SPACA3: variants seen among roughly 807,000 people sequenced by gnomAD.
The protein encoded by SPACA3 is sperm acrosome associated 3.
SPACA3 carries 21 observed loss-of-function variants against 24.5 expected under a neutral mutation model. The ratio of observed to expected loss-of-function variants is 0.86; its 90% CI spans 0.61 to 1.24. The LOEUF (loss-of-function observed/expected upper bound fraction) is 1.24, where lower values mean the gene tolerates loss of function less well. Ranked by LOEUF, SPACA3 falls within the 50% of genes most tolerant of loss-of-function variation. SPACA3 has a pLI of 0.00. For missense variants in SPACA3, 278 were observed against 275.5 expected, an observed-to-expected ratio of 1.01 and a Z score of -0.06; for synonymous variants, 115 against 106.9, an observed-to-expected ratio of 1.08 and a Z score of -0.47.
At chr17:32,994,181 G>C (rs1335119059) in intron 1 of SPACA3, among the ~76,000 whole-genome samples, 2 of 152,172 alleles carry the variant, frequency 1.3e-5, no homozygotes, top group Non-Finnish European at 2.9e-5. Context: ...AGAGAAGTCT[G>C]AGCAGAGACA....
At position 32,997,720 on chromosome 17, in the gene SPACA3, G is replaced by A; in HGVS notation, c.590G>A (p.Trp197Ter). ...CTGTTCTCCATCCTCAGGGAGGCCT[G>A]GAGGCATCACTGCCAGGGAAAAGAC... ...EPQGLGYWEA[W>*]RHHCQGKDLT... The change falls in exon 5 of 5, where the codon TGG becomes TAG. Residue 197 changes from tryptophan to a stop codon, truncating the protein, a stop_gained. Coordinates refer to ENST00000269053, the MANE Select transcript of SPACA3 (RefSeq NM_173847.5). LOFTEE classifies it high-confidence loss of function. The A allele has an allele frequency of 6.2e-7, 1 of 1,614,124 alleles. No individual in the cohort carries two copies. Among genetic ancestry groups the A allele is most frequent in the Middle Eastern group, 1.6e-4 (1 of 6,062 alleles).
chr17:32,996,111 G>A (rs1179242298), intron 2 of SPACA3, among the ~76,000 whole-genome samples: 3 of 152,210 alleles, frequency 2.0e-5, no homozygotes, highest in Admixed American at 2.0e-4. Flanking sequence ...GGGAAGGGCA[G>A]TCATACCGGG....
intron 1 of SPACA3, among the ~76,000 whole-genome samples, chr17:32,993,558 G>A (rs2091704222): frequency 6.6e-6 from 1 of 152,150 alleles, no homozygotes; most frequent in Non-Finnish European, 1.5e-5. Context: ...GTGGCGGACG[G>A]CATGAGTACA....
chr17:32,996,764 T>C, intron 2 of SPACA3, 79 bp from the exon 3 acceptor site: 2 of 1,371,388 alleles, frequency 1.5e-6, no homozygotes, highest in African/African-American at 3.0e-5. Context: ...GGAGCCAGCG[T>C]GGGACCTGTG....
chr17:32,995,838 T>C, intron 2 of SPACA3, 121 bp downstream of exon 2: 3 of 1,160,806 alleles, frequency 2.6e-6, no homozygotes, highest in Non-Finnish European at 3.6e-6. Context: ...TTCTGTAAAC[T>C]GAAGATGATT....
rs150510375 is a variant in SPACA3 at position 32,992,847 on chromosome 17, G to A, written c.34+875G>A. ...GGGCTGTGAAGGGTCGTGAAGGGCCGTGTGGACCTCGAAGGGGCAGTTATG... is the reference window on the plus strand; with the variant it reads ...GGGCTGTGAAGGGTCGTGAAGGGCCATGTGGACCTCGAAGGGGCAGTTATG... On this transcript the variant is annotated intron_variant, in intron 1 of 4. Coordinates refer to ENST00000269053, the MANE Select transcript of SPACA3 (RefSeq NM_173847.5). The A allele has an allele frequency of 1.6e-3, 731 of 469,224 alleles. 4 individuals carry two copies. The highest frequency in any genetic ancestry group is 0.013 in the African/African-American group (648 of 50,130). The allele number at this position is 469,224 out of a possible 1,614,324, so 29.1% of individuals were successfully genotyped here.
rs371564109 is a variant in SPACA3 at position 32,997,820 on chromosome 17, G to T, written c.*42G>T. ...CACAGCAGGCTGGGAAATGTGGTTT[G>T]GTTCCTGACCTAGGCTTGGGAAGAC... On this transcript the variant is annotated 3_prime_UTR_variant, in exon 5 of 5. Transcript: ENST00000269053. 65 of 1,605,866 alleles carry T rather than the reference G, an allele frequency of 4.0e-5. No homozygotes were observed. Among genetic ancestry groups the T allele is most frequent in the Non-Finnish European group, 5.0e-5 (59 of 1,172,692 alleles).
At position 32,995,695 on chromosome 17, in the gene SPACA3, C is replaced by T; in HGVS notation, c.321C>T (p.Tyr107=). The change falls in exon 2 of 5, where the codon TAC becomes TAT. Residue 107 remains tyrosine, a synonymous_variant. Coordinates refer to ENST00000269053, the MANE Select transcript of SPACA3 (RefSeq NM_173847.5). ...RVLHDFGLDG[Y]RGYSLADWVC... ...TACATGACTTCGGGCTGGACGGATA[C>T]CGGGGATACAGCCTGGCTGACTGTG... 3.1e-6 allele frequency: 5 copies of T among 1,613,712 alleles called. No individual in the cohort carries two copies. The highest frequency in any genetic ancestry group is 4.2e-6 in the Non-Finnish European group (5 of 1,179,622).
In SPACA3 at chr17:32,997,472, C is replaced by A. The variant is rs138285109; in HGVS notation, c.530C>A (p.Thr177Asn). ...TTGTTGAATCCTAATCTCAAGGATA[C>A]CGTTATCTGTGCCATGAAGATAACC... ...SDLLNPNLKD[T>N]VICAMKITQE... The change falls in exon 4 of 5, where the codon ACC becomes AAC. Residue 177 changes from threonine to asparagine, a missense_variant. Physicochemically the swap from Thr to Asn is moderately conservative, Grantham distance 65. Transcript: ENST00000269053. The A allele has an allele frequency of 8.4e-4, 1,359 of 1,614,078 alleles. 1 individual carries two copies. Among genetic ancestry groups the A allele is most frequent in the Non-Finnish European group, 1.1e-3 (1,329 of 1,179,996 alleles).
chr17:32,994,115 G>A (rs945381245), intron 1 of SPACA3, among the ~76,000 whole-genome samples: 3 of 152,156 alleles, frequency 2.0e-5, no homozygotes, highest in African/African-American at 2.4e-5. Flanking sequence ...GTGGGACAGC[G>A]TGGCGTGCTA....
In SPACA3 at chr17:32,995,589, T is replaced by C. The variant is rs757917715; in HGVS notation, c.215T>C (p.Leu72Ser). The C allele has an allele frequency of 6.2e-7, 1 of 1,614,216 alleles. No homozygotes were observed. The highest frequency in any genetic ancestry group is 2.2e-5 in the East Asian group (1 of 44,878). Residue 72 changes from leucine to serine, a missense_variant, in exon 2 of 5, where the codon TTG (leucine) becomes TCG (serine). Coordinates refer to ENST00000269053, the MANE Select transcript of SPACA3 (RefSeq NM_173847.5). Reference protein sequence around the residue: ...RRWCPAGIMLLALVCLLSCLL... With the variant: ...RRWCPAGIMLSALVCLLSCLL... Reference sequence around the variant, plus strand: ...TGGTGCCCAGCTGGGATCATGTTGTTGGCCCTGGTCTGTCTGCTCAGCTGC... The same window carrying C: ...TGGTGCCCAGCTGGGATCATGTTGTCGGCCCTGGTCTGTCTGCTCAGCTGC...
chr17:32,991,854 G>A lies in SPACA3; in HGVS notation c.-85G>A. 1.9e-6 allele frequency: 3 copies of A among 1,580,030 alleles called. No homozygotes were observed. The highest frequency in any genetic ancestry group is 2.6e-6 in the Non-Finnish European group (3 of 1,150,158). ...CTTCCCCATTGTTCTCTTAACACTG[G>A]GTGCCTGGGGCCCTGGCAAGGTTGT... On this transcript the variant is annotated 5_prime_UTR_variant, in exon 1 of 5. Coordinates refer to ENST00000269053, the MANE Select transcript of SPACA3 (RefSeq NM_173847.5).
chr17:32,991,982 C>G lies in SPACA3; in HGVS notation c.34+10C>G. The stretch of plus-strand genomic sequence containing the variant: ...GGAGCACCCCTGATCAGTGAGCCCC[C>G]TTTCCCTTCTTCCTGGGGCTGTTAA... On this transcript the variant is annotated intron_variant, in intron 1 of 4. Transcript: ENST00000269053. 6.2e-7 allele frequency: 1 copy of G among 1,613,672 alleles called. No homozygotes were observed. Among genetic ancestry groups the G allele is most frequent in the Admixed American group, 1.7e-5 (1 of 59,978 alleles).
At chr17:32,992,545 C>T (rs931234942) in intron 1 of SPACA3, among the ~76,000 whole-genome samples, 1 of 152,216 alleles carries the variant, frequency 6.6e-6, no homozygotes, top group African/African-American at 2.4e-5. Flanking sequence ...CGCCGTTCTT[C>T]AGAAGTTAAC....
At chr17:32,992,072 G>C in intron 1 of SPACA3, 100 bp downstream of exon 1, 1 of 1,325,608 alleles carries the variant, frequency 7.5e-7, no homozygotes, top group Admixed American at 2.0e-5. Flanking sequence ...GTTAGGGTGG[G>C]GTTATCCTGG....
intron 3 of SPACA3, 97 bp from the exon 4 acceptor site, chr17:32,997,348 G>A: frequency 1.2e-6 from 1 of 800,500 alleles, no homozygotes; most frequent in East Asian, 2.6e-5. Flanking sequence ...TGTGTGTAGA[G>A]AGAGAGAGAG....
chr17:32,995,758 C>T lies in SPACA3; in HGVS notation c.343+41C>T, dbSNP rs371858703. Reference sequence around the variant, plus strand: ...CCTGGCGGGCCCTGACTTCCCCACACCTCCCTCCCTCTTTCCCTCCCTCTC... The same window carrying T: ...CCTGGCGGGCCCTGACTTCCCCACATCTCCCTCCCTCTTTCCCTCCCTCTC... On this transcript the variant is annotated intron_variant, in intron 2 of 4. Coordinates refer to ENST00000269053, the MANE Select transcript of SPACA3 (RefSeq NM_173847.5). 5 of 1,578,050 alleles carry T rather than the reference C, an allele frequency of 3.2e-6. No homozygotes were observed. The African/African-American group carries it at 5.4e-5, about 17-fold the overall frequency.
chr17:32,995,792 A>C, intron 2 of SPACA3, 75 bp downstream of exon 2: 105 of 1,491,646 alleles, frequency 7.0e-5, no homozygotes, highest in Non-Finnish European at 8.5e-5. Flanking sequence ...TCTCCTTCTC[A>C]TTCAAGGGCT....
chr17:32,996,683 G>A (rs576756064), intron 2 of SPACA3, 160 bp from the exon 3 acceptor site: 8 of 669,404 alleles, frequency 1.2e-5, no homozygotes, highest in African/African-American at 9.2e-5. Context: ...TCTAAGCCTC[G>A]ATTGATTGGT....
Sources: gnomAD v4.1 joint callset for allele counts (sites outside exome capture counted in the v4.1 genomes callset) on GRCh38, gnomAD v4.1.1 for gene constraint, MANE v1.5 for transcripts, NCBI Gene and HGNC (gene_info 2026-07-23, HGNC 2026-07-21) for gene names.